Variants in SNX6 observed in about 807,000 individuals in gnomAD.
SNX6 encodes sorting nexin-6.
A neutral mutation model predicts 63.0 loss-of-function variants in SNX6; 34 were observed. The ratio of observed to expected loss-of-function variants is 0.54; its 90% CI spans 0.41 to 0.72. The LOEUF is 0.72. Ranked by LOEUF, SNX6 falls within the 30% of genes least tolerant of loss-of-function variation. SNX6 has a pLI of 0.00. For missense variants in SNX6, 398 were observed against 471.4 expected, an observed-to-expected ratio of 0.84 and a Z score of 1.44; for synonymous variants, 170 against 164.2, an observed-to-expected ratio of 1.04 and a Z score of -0.27.
chr14:34,610,201 G>A (rs10148803), intron 2 of SNX6, among the ~76,000 whole-genome samples: 11,258 of 147,498 alleles, frequency 0.076, 1,386 homozygotes, highest in African/African-American at 0.26. Flanking sequence ...AAAAAAAAAA[G>A]AAAAGAAAAT....
At chr14:34,579,666 A>C (rs935649677) in intron 10 of SNX6, among the ~76,000 whole-genome samples, 1 of 152,012 alleles carries the variant, frequency 6.6e-6, no homozygotes, top group Non-Finnish European at 1.5e-5. Context: ...AATCCTATGA[A>C]TATAATGTTG....
intron 5 of SNX6, chr14:34,604,094 T>A (rs1368048366): frequency 8.5e-7 from 1 of 1,173,900 alleles, no homozygotes; most frequent in African/African-American, 1.6e-5. Context: ...GGCTTGATAT[T>A]CTTGCTTCAA....
At chr14:34,627,404 A>C (rs12431530) in intron 2 of SNX6, among the ~76,000 whole-genome samples, 1 of 151,884 alleles carries the variant, frequency 6.6e-6, no homozygotes, top group Non-Finnish European at 1.5e-5. Flanking sequence ...CCAAGATAGC[A>C]CCACTGCAGT....
chr14:34,629,611 C>G (rs1334925036), intron 2 of SNX6: 2 of 656,742 alleles, frequency 3.0e-6, no homozygotes, highest in Admixed American at 2.1e-5. Flanking sequence ...TCTCCCGCCT[C>G]CATTTCCACT....
chr14:34,575,350 G>A (rs10132694), intron 11 of SNX6, among the ~76,000 whole-genome samples: 30 of 151,946 alleles, frequency 2.0e-4, no homozygotes, highest in African/African-American at 7.0e-4. Flanking sequence ...ACAGGCACCC[G>A]CCACCATGCC....
At chr14:34,572,387 A>C (rs1322082916) in intron 11 of SNX6, among the ~76,000 whole-genome samples, 3 of 152,184 alleles carry the variant, frequency 2.0e-5, no homozygotes, top group South Asian at 2.1e-4. Flanking sequence ...TCTCTGCAAA[A>C]AATTAAAACA....
At chr14:34,609,026 T>G (rs923524760) in intron 3 of SNX6, among the ~76,000 whole-genome samples, 7 of 151,442 alleles carry the variant, frequency 4.6e-5, no homozygotes, top group African/African-American at 1.7e-4. Context: ...AGACTCCGTC[T>G]CAAAAAAAAT....
At chr14:34,588,776 C>A (rs983543783) in intron 8 of SNX6, among the ~76,000 whole-genome samples, 4 of 152,174 alleles carry the variant, frequency 2.6e-5, no homozygotes, top group South Asian at 2.1e-4. Flanking sequence ...CAATCCCAAT[C>A]AAAATCCCAG....
intron 6 of SNX6, among the ~76,000 whole-genome samples, chr14:34,600,781 T>C (rs963907411): frequency 6.6e-6 from 1 of 152,120 alleles, no homozygotes; most frequent in African/African-American, 2.4e-5. Context: ...CTCACACCTG[T>C]AATCCCAGCA....
At chr14:34,581,632 C>A in intron 9 of SNX6, 32 bp from the exon 10 acceptor site, 1 of 1,327,932 alleles carries the variant, frequency 7.5e-7, no homozygotes. Context: ...TCATATTCTA[C>A]ATTCAAAGTA....
At chr14:34,576,298 A>T (rs916313532) in intron 10 of SNX6, among the ~76,000 whole-genome samples, 1 of 151,882 alleles carries the variant, frequency 6.6e-6, no homozygotes, top group Non-Finnish European at 1.5e-5. Context: ...TGAAGTTTTA[A>T]CTATAGTATC....
At position 34,608,080 on chromosome 14, in the gene SNX6, T is replaced by A; in HGVS notation, c.220A>T (p.Ile74Phe). The change falls in exon 4 of 14, where the codon ATC becomes TTC. Residue 74 changes from isoleucine to phenylalanine, a missense_variant. By Grantham distance (21) the Ile-to-Phe change is conservative (BLOSUM62 0). Coordinates refer to ENST00000362031, the MANE Select transcript of SNX6 (RefSeq NM_152233.4). ...FSVVRQHEEF[I>F]WLHDSFVENE... ...TCAACAAAGGAATCATGAAGCCAGA[T>A]AAATTCCTCATGTTGCCGAACAACT... 1 of 1,611,172 alleles carries A rather than the reference T, an allele frequency of 6.2e-7. No individual in the cohort carries two copies. Among genetic ancestry groups the A allele is most frequent in the Non-Finnish European group, 8.5e-7 (1 of 1,178,092 alleles).
intron 8 of SNX6, among the ~76,000 whole-genome samples, chr14:34,587,824 G>T (rs914721030): frequency 6.8e-6 from 1 of 147,030 alleles, no homozygotes; most frequent in African/African-American, 2.5e-5. Context: ...TTTTTTGGCG[G>T]GGGAGGGATA....
intron 9 of SNX6, among the ~76,000 whole-genome samples, chr14:34,582,715 G>C (rs544192091): frequency 6.6e-6 from 1 of 151,954 alleles, no homozygotes; most frequent in African/African-American, 2.4e-5. Context: ...GCTAATTTTT[G>C]TATTTTTAGT....
intron 2 of SNX6, among the ~76,000 whole-genome samples, chr14:34,625,082 A>C (rs1883775488): frequency 6.6e-6 from 1 of 151,644 alleles, no homozygotes; most frequent in African/African-American, 2.4e-5. Flanking sequence ...TGCCCAGCTA[A>C]TTTTCTGTAT....
intron 4 of SNX6, 140 bp from the exon 5 acceptor site, chr14:34,605,857 T>C (rs72675225): frequency 0.026 from 26,890 of 1,033,746 alleles, 475 homozygotes; most frequent in Middle Eastern, 0.049. Context: ...CAAATTCAGA[T>C]TGGAGAACTT....
intron 13 of SNX6, 57 bp downstream of exon 13, chr14:34,567,629 T>G: frequency 8.4e-6 from 11 of 1,314,340 alleles, no homozygotes; most frequent in Non-Finnish European, 1.2e-5. Context: ...ATGTCATAAC[T>G]GATTCATTTC....
chr14:34,615,617 T>C (rs917964176), intron 2 of SNX6, among the ~76,000 whole-genome samples: 1 of 151,806 alleles, frequency 6.6e-6, no homozygotes, highest in African/African-American at 2.4e-5. Flanking sequence ...TCTCCTTTTC[T>C]TTTTTTTTCC....
chr14:34,596,601 AAAGC>A (rs995883224), intron 7 of SNX6, among the ~76,000 whole-genome samples: 2 of 145,762 alleles, frequency 1.4e-5, no homozygotes, highest in African/African-American at 4.9e-5. Flanking sequence ...CCTGGGCAAC[AAAGC>A]AAGACTCTAT....
Sources: allele counts gnomAD v4.1 joint callset (sites outside exome capture counted in the v4.1 genomes callset), GRCh38; gene constraint gnomAD v4.1.1; transcripts MANE v1.5; gene names NCBI Gene and HGNC (gene_info 2026-07-23, HGNC 2026-07-21).